HPSE2: variants seen among roughly 807,000 people sequenced by gnomAD.
The protein encoded by HPSE2 is heparanase 2 (inactive).
Under a neutral mutation model 60.5 loss-of-function variants are expected in HPSE2, and 38 were observed. The ratio of observed to expected loss-of-function variants is 0.63; its 90% CI spans 0.48 to 0.82. The LOEUF (loss-of-function observed/expected upper bound fraction) is 0.82, where lower values mean the gene tolerates loss of function less well. Ranked by LOEUF, HPSE2 falls within the 40% of genes least tolerant of loss-of-function variation. The probability of loss-of-function intolerance (pLI) is 0.00; values close to 1 mark genes in which losing one functional copy is unlikely to be tolerated. For missense variants in HPSE2, 713 were observed against 740.4 expected (o/e 0.96, Z 0.43); for synonymous variants, 295 against 293.2 (o/e 1.01, Z -0.06).
intron 3 of HPSE2, among the ~76,000 whole-genome samples, chr10:98,772,077 C>T (rs1241954089): frequency 7.2e-5 from 11 of 152,040 alleles, no homozygotes; most frequent in Admixed American, 5.9e-4. Flanking sequence ...GGGCAATAAC[C>T]GTAAGGATGG....
chr10:98,986,387 TGAC>T (rs1426559430), intron 3 of HPSE2, among the ~76,000 whole-genome samples: 7 of 151,516 alleles, frequency 4.6e-5, no homozygotes. Flanking sequence ...TGCTCCTGAA[TGAC>T]TACTGGGTAC....
At chr10:98,940,918 G>A (rs1467640169) in intron 3 of HPSE2, among the ~76,000 whole-genome samples, 6 of 106,722 alleles carry the variant, frequency 5.6e-5, no homozygotes, top group Admixed American at 4.9e-4. Context: ...GGGATGCAAG[G>A]CTGGTTCAAT....
chr10:98,737,114 A>G (rs896605972), intron 4 of HPSE2, among the ~76,000 whole-genome samples: 2 of 152,006 alleles, frequency 1.3e-5, no homozygotes, highest in African/African-American at 2.4e-5. Flanking sequence ...TCAAAACTCT[A>G]TGTTCTGAAA....
intron 9 of HPSE2, among the ~76,000 whole-genome samples, chr10:98,580,205 G>A (rs898884378): frequency 6.6e-6 from 1 of 152,042 alleles, no homozygotes; most frequent in Non-Finnish European, 1.5e-5. Flanking sequence ...ATTTTTTTCA[G>A]TGATGTGTTT....
In HPSE2 at chr10:98,481,545, A is replaced by C. The variant is rs80158695; in HGVS notation, c.1613+1091T>G. 7.5e-3 allele frequency among the ~76,000 whole-genome samples: 1,136 copies of C among 152,316 alleles called. 15 individuals are homozygous for C. Among genetic ancestry groups the C allele is most frequent in the African/African-American group, 0.025 (1,043 of 41,564 alleles). On this transcript the variant is annotated intron_variant, in intron 11 of 11. Coordinates refer to ENST00000370552, the MANE Select transcript of HPSE2 (RefSeq NM_021828.5). ...ACCGGGAAGAAAGAAAAACAGACGCAATGTACATGTAGCCAGAAAAAAGAG... is the reference window on the plus strand; with the variant it reads ...ACCGGGAAGAAAGAAAAACAGACGCCATGTACATGTAGCCAGAAAAAAGAG...
intron 4 of HPSE2, among the ~76,000 whole-genome samples, chr10:98,738,752 C>T (rs1418097065): frequency 2.0e-5 from 3 of 152,154 alleles, no homozygotes; most frequent in Non-Finnish European, 2.9e-5. Flanking sequence ...TAGAGAAATG[C>T]AAATCAAAAC....
intron 3 of HPSE2, among the ~76,000 whole-genome samples, chr10:99,009,292 G>A (rs1296021312): frequency 6.8e-6 from 1 of 147,170 alleles, no homozygotes; most frequent in African/African-American, 2.5e-5. Context: ...GCTGGTACAT[G>A]CCCTGTAGGC....
the HPSE2 span, among the ~76,000 whole-genome samples, chr10:99,243,196 A>T: frequency 6.6e-6 from 1 of 151,720 alleles, no homozygotes; most frequent in South Asian, 2.1e-4. Flanking sequence ...TACTAAAAAT[A>T]AAAAAAATTA....
chr10:98,685,553 C>G lies in HPSE2; in HGVS notation c.1004+8347G>C, dbSNP rs565737815. Among the ~76,000 whole-genome samples the G allele has an allele frequency of 7.8e-4, 119 of 152,280 alleles. 1 individual carries two copies. Among genetic ancestry groups the G allele is most frequent in the African/African-American group, 2.7e-3 (113 of 41,572 alleles). On this transcript the variant is annotated intron_variant, in intron 6 of 11. Coordinates refer to ENST00000370552, the MANE Select transcript of HPSE2 (RefSeq NM_021828.5). ...CTTTTTCACTCAGCATATTGAGATT[C>G]ATCCATGTTGTGGCACATATCATTA...
intron 3 of HPSE2, among the ~76,000 whole-genome samples, chr10:99,030,176 G>A (rs1002222852): frequency 2.6e-5 from 4 of 152,172 alleles, no homozygotes; most frequent in Non-Finnish European, 5.9e-5. Flanking sequence ...ACCAACTAAT[G>A]ATTAATGATA....
intron 3 of HPSE2, among the ~76,000 whole-genome samples, chr10:99,011,486 G>C (rs935604980): frequency 1.1e-4 from 17 of 151,948 alleles, no homozygotes; most frequent in African/African-American, 3.9e-4. Flanking sequence ...GGCTGGGCGT[G>C]GTGGCTCAAG....
rs74635718 is a variant in HPSE2 at position 99,149,319 on chromosome 10, G to A, written c.449-4920C>T. On this transcript the variant is annotated intron_variant, in intron 2 of 11. Coordinates refer to ENST00000370552, the MANE Select transcript of HPSE2 (RefSeq NM_021828.5). ...GAATGGGTGACCCAGGCATAATGAAGTAATTTCAATACAGATATTAAAACC... is the reference window on the plus strand; with the variant it reads ...GAATGGGTGACCCAGGCATAATGAAATAATTTCAATACAGATATTAAAACC... 3.4e-3 allele frequency among the ~76,000 whole-genome samples: 516 copies of A among 152,250 alleles called. 3 individuals are homozygous for A. Among genetic ancestry groups the A allele is most frequent in the African/African-American group, 0.012 (494 of 41,548 alleles).
chr10:98,461,391 G>A (rs1408836038), intron 11 of HPSE2, among the ~76,000 whole-genome samples: 1 of 107,922 alleles, frequency 9.3e-6, no homozygotes, highest in South Asian at 2.7e-4. Flanking sequence ...CCTGCCTCTG[G>A]AAGGCATGGG....
chr10:98,726,526 C>T (rs144697251), intron 4 of HPSE2, among the ~76,000 whole-genome samples: 20,489 of 147,682 alleles, frequency 0.14, 1,854 homozygotes, highest in Admixed American at 0.21. Context: ...AGGAGATATA[C>T]CTAATGCTAA....
chr10:98,509,833 G>A (rs1216370603), intron 9 of HPSE2, among the ~76,000 whole-genome samples: 2 of 151,846 alleles, frequency 1.3e-5, no homozygotes, highest in East Asian at 1.9e-4. Flanking sequence ...TGCTTAACTC[G>A]GGAGGTTGGG....
intron 3 of HPSE2, among the ~76,000 whole-genome samples, chr10:98,816,069 C>A (rs909384341): frequency 6.7e-6 from 1 of 150,114 alleles, no homozygotes; most frequent in Non-Finnish European, 1.5e-5. Flanking sequence ...AGGAGATATA[C>A]CTAATGCTAA....
chr10:98,583,866 T>C (rs113161225), intron 9 of HPSE2, among the ~76,000 whole-genome samples: 1,961 of 152,328 alleles, frequency 0.013, 16 homozygotes, highest in Non-Finnish European at 0.02. Flanking sequence ...AATATTCTAT[T>C]GCATGGACAT....
chr10:98,756,926 T>C (rs1949892073), intron 3 of HPSE2, among the ~76,000 whole-genome samples: 1 of 152,166 alleles, frequency 6.6e-6, no homozygotes, highest in Non-Finnish European at 1.5e-5. Context: ...GCAAAAATCC[T>C]CAACAAAATA....
chr10:99,214,663 C>T (rs10883296), intron 2 of HPSE2, among the ~76,000 whole-genome samples: 1 of 151,692 alleles, frequency 6.6e-6, no homozygotes, highest in South Asian at 2.1e-4. Context: ...GGCAACCTAC[C>T]GTATGGGGGA....
Sources: allele counts gnomAD v4.1 joint callset (sites outside exome capture counted in the v4.1 genomes callset), GRCh38; gene constraint gnomAD v4.1.1; transcripts MANE v1.5; gene names NCBI Gene and HGNC (gene_info 2026-07-23, HGNC 2026-07-21).